Variants in CHLSN observed in about 807,000 individuals in gnomAD.
The protein encoded by CHLSN is cholesin, also known as protein cholesin.
chr7:1,008,985 GCGAACACACATACACGCA>G, the CHLSN span, among the ~76,000 whole-genome samples: 127 of 120,920 alleles, frequency 1.1e-3, no homozygotes, highest in Non-Finnish European at 1.5e-3. Flanking sequence ...ACACACCCAT[GCGAACACACATACACGCA>G]CACACACACA....
At chr7:1,130,503 A>G in the CHLSN span, among the ~76,000 whole-genome samples, 1 of 152,196 alleles carries the variant, frequency 6.6e-6, no homozygotes, top group South Asian at 2.1e-4. Flanking sequence ...CAGGAGCAGA[A>G]GAAGCCCTCA....
chr7:1,034,678 A>G, the CHLSN span, among the ~76,000 whole-genome samples: 3 of 152,186 alleles, frequency 2.0e-5, no homozygotes, highest in Non-Finnish European at 2.9e-5. Flanking sequence ...AACTTGTGTC[A>G]TGGGGGTTTG....
the CHLSN span, among the ~76,000 whole-genome samples, chr7:1,071,150 C>T: frequency 6.6e-6 from 1 of 152,242 alleles, no homozygotes; most frequent in African/African-American, 2.4e-5. Context: ...GCCCCGCACG[C>T]GGCTGTTCAA....
the CHLSN span, among the ~76,000 whole-genome samples, chr7:986,069 G>C: frequency 2.0e-5 from 3 of 152,186 alleles, no homozygotes; most frequent in African/African-American, 7.2e-5. Context: ...GCAGCCCCAG[G>C]GCAGCAGAGC....
chr7:1,087,373 TTTTTGCAGA>T, the CHLSN span: 1 of 152,200 alleles, frequency 6.6e-6, no homozygotes. Context: ...GGAGTTCAGA[TTTTTGCAGA>T]TTTTGGAATA....
chr7:1,005,772 T>C, the CHLSN span, among the ~76,000 whole-genome samples: 17 of 152,314 alleles, frequency 1.1e-4, no homozygotes, highest in African/African-American at 3.4e-4. Context: ...AGTGACTTGC[T>C]CTCGTCCTCC....
At chr7:1,081,689 G>A in the CHLSN span, among the ~76,000 whole-genome samples, 1 of 136,764 alleles carries the variant, frequency 7.3e-6, no homozygotes, top group South Asian at 2.4e-4. Flanking sequence ...CCCCGACCCA[G>A]ACAAGGCGCA....
chr7:1,087,867 T>C, the CHLSN span, among the ~76,000 whole-genome samples: 7 of 152,178 alleles, frequency 4.6e-5, no homozygotes, highest in Non-Finnish European at 8.8e-5. Context: ...CAACACCTAG[T>C]ATGATGCCTT....
chr7:1,127,481 T>TAAA, the CHLSN span: 19 of 919,100 alleles, frequency 2.1e-5, no homozygotes, highest in Admixed American at 3.7e-5. Flanking sequence ...ACTCTCCCAT[T>TAAA]AAAAAAAAAA....
At chr7:986,434 G>T in the CHLSN span, 1 of 647,786 alleles carries the variant, frequency 1.5e-6, no homozygotes, top group Non-Finnish European at 2.7e-6. Flanking sequence ...TCCGGGACAC[G>T]GACAGGGGGT....
the CHLSN span, among the ~76,000 whole-genome samples, chr7:1,013,613 A>G: frequency 6.6e-6 from 1 of 152,162 alleles, no homozygotes; most frequent in East Asian, 1.9e-4. Context: ...GGCGGCTTTG[A>G]GCCGACGCTG....
chr7:1,010,360 G>A, the CHLSN span, among the ~76,000 whole-genome samples: 12 of 152,314 alleles, frequency 7.9e-5, no homozygotes, highest in East Asian at 2.3e-3. Context: ...GCGGGCAGGC[G>A]CCAGGTGCCA....
At chr7:986,645 C>T in the CHLSN span, 1 of 1,612,594 alleles carries the variant, frequency 6.2e-7, no homozygotes, top group Non-Finnish European at 8.5e-7. Flanking sequence ...CTACCCATGG[C>T]TCGGGGCCCT....
At chr7:986,805 G>C in the CHLSN span, 2 of 1,539,068 alleles carry the variant, frequency 1.3e-6, no homozygotes, top group South Asian at 2.5e-5. Context: ...CAGGTGTGTC[G>C]GGACCCAAGA....
At chr7:1,026,264 G>A in the CHLSN span, 1 of 152,262 alleles carries the variant, frequency 6.6e-6, no homozygotes, top group Non-Finnish European at 1.5e-5. Flanking sequence ...TATTGGACCA[G>A]TTGAGGGTGG....
At chr7:1,120,756 G>C in the CHLSN span, among the ~76,000 whole-genome samples, 2 of 152,220 alleles carry the variant, frequency 1.3e-5, no homozygotes, top group Non-Finnish European at 2.9e-5. Context: ...ACGGGTGAGA[G>C]AATCTGTGAT....
At chr7:1,100,099 T>C in the CHLSN span, among the ~76,000 whole-genome samples, 1 of 152,224 alleles carries the variant, frequency 6.6e-6, no homozygotes, top group Non-Finnish European at 1.5e-5. Flanking sequence ...CTGGGTTACA[T>C]GAAGGTTGCC....
chr7:1,009,052 C>T, the CHLSN span, among the ~76,000 whole-genome samples: 1 of 150,776 alleles, frequency 6.6e-6, no homozygotes, highest in Non-Finnish European at 1.5e-5. Flanking sequence ...CACACACGTA[C>T]ACGTGCACGT....
the CHLSN span, among the ~76,000 whole-genome samples, chr7:1,116,104 CG>C: frequency 8.6e-6 from 1 of 116,914 alleles, no homozygotes; most frequent in African/African-American, 3.3e-5. Context: ...CTCTAGGGAC[CG>C]GCTTCCATCA....
Sources: allele counts gnomAD v4.1 joint callset (sites outside exome capture counted in the v4.1 genomes callset), GRCh38; gene constraint gnomAD v4.1.1; transcripts MANE v1.5; gene names NCBI Gene and HGNC (gene_info 2026-07-23, HGNC 2026-07-21).